The following KRABD5 variants were observed in gnomAD, a reference collection of about 807,000 sequenced individuals.
KRABD5 encodes the protein KRAB domain-containing protein 5.
chr16:31,722,793 C>T, the KRABD5 span: 1 of 1,521,338 alleles, frequency 6.6e-7, no homozygotes, highest in South Asian at 1.3e-5. Flanking sequence ...TATCTAATAA[C>T]TAAGGGTTTT....
the KRABD5 span, among the ~76,000 whole-genome samples, chr16:31,742,884 G>A: frequency 6.6e-6 from 1 of 152,086 alleles, no homozygotes. Context: ...TCTCATTATG[G>A]TTTTGATTTG....
At chr16:31,739,079 C>T in the KRABD5 span, among the ~76,000 whole-genome samples, 2 of 152,212 alleles carry the variant, frequency 1.3e-5, no homozygotes, top group Admixed American at 1.3e-4. Flanking sequence ...TAAAAGTATT[C>T]TATGCACCAT....
chr16:31,715,372 T>C, the KRABD5 span, among the ~76,000 whole-genome samples: 5 of 152,204 alleles, frequency 3.3e-5, no homozygotes, highest in African/African-American at 9.6e-5. Context: ...TGCAGTAAGC[T>C]GCTCTTGAAG....
At chr16:31,719,912 A>T in the KRABD5 span, among the ~76,000 whole-genome samples, 112,856 of 152,110 alleles carry the variant, frequency 0.74, 42,237 homozygotes, top group Middle Eastern at 0.8. Context: ...GAAATCCTTA[A>T]GAACTAAACT....
chr16:31,752,543 A>T, the KRABD5 span, among the ~76,000 whole-genome samples: 1 of 151,980 alleles, frequency 6.6e-6, no homozygotes, highest in African/African-American at 2.4e-5. Context: ...GTGCTTTTGT[A>T]TGGTTGTTGG....
chr16:31,729,566 A>T, the KRABD5 span, among the ~76,000 whole-genome samples: 1 of 152,188 alleles, frequency 6.6e-6, no homozygotes, highest in Admixed American at 6.5e-5. Context: ...TAATTCTATC[A>T]CAGTGGCTAT....
At chr16:31,718,142 T>C in the KRABD5 span, among the ~76,000 whole-genome samples, 1 of 152,122 alleles carries the variant, frequency 6.6e-6, no homozygotes, top group African/African-American at 2.4e-5. Flanking sequence ...GCGTGCCACT[T>C]CTCTGCCCCT....
the KRABD5 span, among the ~76,000 whole-genome samples, chr16:31,730,146 A>T: frequency 6.6e-6 from 1 of 152,138 alleles, no homozygotes; most frequent in Non-Finnish European, 1.5e-5. Context: ...ATATTTAGTT[A>T]GCATTTCATC....
chr16:31,752,519 T>C, the KRABD5 span, among the ~76,000 whole-genome samples: 1 of 152,220 alleles, frequency 6.6e-6, no homozygotes, highest in Non-Finnish European at 1.5e-5. Context: ...TTTATCATTA[T>C]GGAATACATC....
chr16:31,738,527 A>G, the KRABD5 span, among the ~76,000 whole-genome samples: 1 of 152,050 alleles, frequency 6.6e-6, no homozygotes, highest in African/African-American at 2.4e-5. Flanking sequence ...TACTTTGCAC[A>G]CTATTTTTTT....
At chr16:31,755,729 AT>A in the KRABD5 span, 1 of 370,362 alleles carries the variant, frequency 2.7e-6, no homozygotes, top group African/African-American at 2.1e-5. Flanking sequence ...GTTGTAGTAA[AT>A]GTGAAAAGAG....
the KRABD5 span, among the ~76,000 whole-genome samples, chr16:31,750,884 A>G: frequency 2.6e-5 from 4 of 152,118 alleles, no homozygotes; most frequent in African/African-American, 9.6e-5. Flanking sequence ...CTCAGTCGCC[A>G]GAGTACCTGT....
the KRABD5 span, among the ~76,000 whole-genome samples, chr16:31,741,825 G>C: frequency 4.6e-5 from 7 of 151,924 alleles, no homozygotes. Flanking sequence ...TTTTGTTTTT[G>C]TTACAATTGC....
the KRABD5 span, chr16:31,757,000 C>T: frequency 6.6e-6 from 1 of 152,300 alleles, no homozygotes; most frequent in African/African-American, 2.4e-5. Flanking sequence ...TTTCATTGCA[C>T]ACTGAATTTT....
chr16:31,715,077 C>G, the KRABD5 span, among the ~76,000 whole-genome samples: 1 of 152,080 alleles, frequency 6.6e-6, no homozygotes, highest in Admixed American at 6.5e-5. Context: ...TAAATCAGAT[C>G]CCTGATCAGA....
At chr16:31,746,390 A>T in the KRABD5 span, among the ~76,000 whole-genome samples, 1 of 152,142 alleles carries the variant, frequency 6.6e-6, no homozygotes, top group Non-Finnish European at 1.5e-5. Flanking sequence ...GTTTGGCTGG[A>T]TATGAAATTC....
chr16:31,754,541 C>T, the KRABD5 span: 2 of 558,996 alleles, frequency 3.6e-6, no homozygotes, highest in Non-Finnish European at 6.8e-6. Context: ...TCTACATAAC[C>T]ATTGCAAACG....
the KRABD5 span, among the ~76,000 whole-genome samples, chr16:31,746,984 G>GT: frequency 1.4e-3 from 194 of 142,680 alleles, no homozygotes; most frequent in African/African-American, 2.5e-3. Flanking sequence ...TTATGTTTCT[G>GT]TTTTTTTTTT....
At chr16:31,732,314 T>C in the KRABD5 span, among the ~76,000 whole-genome samples, 1 of 152,250 alleles carries the variant, frequency 6.6e-6, no homozygotes, top group Non-Finnish European at 1.5e-5. Flanking sequence ...CCTCCTATTC[T>C]GTCATCTTGC....
Sources: allele counts gnomAD v4.1 joint callset (sites outside exome capture counted in the v4.1 genomes callset), GRCh38; gene constraint gnomAD v4.1.1; transcripts MANE v1.5; gene names NCBI Gene and HGNC (gene_info 2026-07-23, HGNC 2026-07-21).